Variants in PCDHA12 observed in about 807,000 individuals in gnomAD.
PCDHA12 encodes protocadherin alpha-12.
A neutral mutation model predicts 60.0 loss-of-function variants in PCDHA12; 44 were observed. The observed-to-expected ratio is 0.73, with a 90% CI of 0.58 to 0.94. The LOEUF (loss-of-function observed/expected upper bound fraction) is 0.94, where lower values mean the gene tolerates loss of function less well. Among genes scored for constraint, PCDHA12 ranks in the 40% least tolerant of loss-of-function variants. PCDHA12 has a pLI of 0.00. For synonymous variants in PCDHA12, 569 were observed against 553.0 expected, an observed-to-expected ratio of 1.03 and a Z score of -0.40; for missense variants, 1,276 against 1,239.7, an observed-to-expected ratio of 1.03 and a Z score of -0.44.
intron 1 of PCDHA12, among the ~76,000 whole-genome samples, chr5:140,898,613 T>A (rs561301118): frequency 6.6e-6 from 1 of 152,346 alleles, no homozygotes; most frequent in South Asian, 2.1e-4. Flanking sequence ...TAGTTTGAAG[T>A]CAGGTAGCAT....
Position 140,875,861 on chromosome 5 carries a change from C to T in PCDHA12, c.389C>T (p.Pro130Leu), listed in dbSNP as rs2055878739. The T allele has an allele frequency of 6.2e-7, 1 of 1,614,020 alleles. No individual in the cohort carries two copies. Among genetic ancestry groups the T allele is most frequent in the Non-Finnish European group, 8.5e-7 (1 of 1,180,042 alleles). ...GAGGTGAAGGACATTAACGACAACCCGCCGGTGTTCAGAGAAAGGGAACAA... is the reference window on the plus strand; with the variant it reads ...GAGGTGAAGGACATTAACGACAACCTGCCGGTGTTCAGAGAAAGGGAACAA... The part of the protein sequence containing the change: ...DVEVKDINDN[P>L]PVFREREQKV... The change falls in exon 1 of 4, where the codon CCG (proline) becomes CTG (leucine). Residue 130 changes from proline to leucine, a missense_variant. Physicochemically the swap from Pro to Leu is moderately conservative, Grantham distance 98 (BLOSUM62 -3). Transcript: ENST00000398631.
At chr5:140,966,914 G>C in intron 1 of PCDHA12, 2 of 1,602,270 alleles carry the variant, frequency 1.2e-6, no homozygotes, top group Non-Finnish European at 1.7e-6. Flanking sequence ...CTCTGTGCCA[G>C]AGGAGCAGGC....
chr5:140,971,805 T>C (rs938421537), intron 1 of PCDHA12, among the ~76,000 whole-genome samples: 1 of 152,166 alleles, frequency 6.6e-6, no homozygotes, highest in Non-Finnish European at 1.5e-5. Flanking sequence ...AATATTATAA[T>C]ATTGAATACA....
chr5:140,970,527 ATG>A (rs1270257257), intron 1 of PCDHA12, among the ~76,000 whole-genome samples: 2 of 151,436 alleles, frequency 1.3e-5, no homozygotes, highest in African/African-American at 4.9e-5. Context: ...GTAGATGAAT[ATG>A]TGTGTGTGTT....
In PCDHA12 at chr5:140,877,669, G is replaced by A. The variant is rs548426920; in HGVS notation, c.2197G>A (p.Ala733Thr). The A allele has an allele frequency of 1.4e-4, 219 of 1,613,638 alleles. 3 individuals are homozygous for A. The South Asian group carries it at 2.2e-3, about 17-fold the overall frequency. Residue 733 changes from alanine (A) to threonine (T), a missense_variant, in exon 1 of 4, where the codon GCG (alanine) becomes ACG (threonine). Coordinates refer to ENST00000398631, the MANE Select transcript of PCDHA12 (RefSeq NM_018903.4). The part of the protein sequence containing the change: ...CSAPPTVSRC[A>T]PGKPTLVCSS... ...AGCGCCGCCCACCGTGAGCCGGTGC[G>A]CGCCGGGCAAGCCCACGCTGGTGTG...
chr5:140,932,966 G>C (rs2088764912), intron 1 of PCDHA12, among the ~76,000 whole-genome samples: 1 of 151,942 alleles, frequency 6.6e-6, no homozygotes, highest in South Asian at 2.1e-4. Context: ...TTGCTGAAAG[G>C]TTTTTACAAT....
At chr5:140,918,309 T>C (rs2078629927) in intron 1 of PCDHA12, among the ~76,000 whole-genome samples, 1 of 152,186 alleles carries the variant, frequency 6.6e-6, no homozygotes, top group Non-Finnish European at 1.5e-5. Context: ...TAGGGTTTTC[T>C]AGGTATAAAA....
At chr5:140,922,866 G>GA (rs557650266) in intron 1 of PCDHA12, among the ~76,000 whole-genome samples, 1 of 152,096 alleles carries the variant, frequency 6.6e-6, no homozygotes. Flanking sequence ...TAGACAAGGG[G>GA]AAAAAATCCA....
At chr5:140,910,925 TA>T (rs2075234137) in intron 1 of PCDHA12, among the ~76,000 whole-genome samples, 2 of 152,226 alleles carry the variant, frequency 1.3e-5, no homozygotes, top group South Asian at 4.2e-4. Flanking sequence ...CTTATATAAA[TA>T]AGAAAGCTCA....
At chr5:140,946,660 A>T (rs2094005518) in intron 1 of PCDHA12, among the ~76,000 whole-genome samples, 1 of 146,900 alleles carries the variant, frequency 6.8e-6, no homozygotes, top group African/African-American at 2.6e-5. Context: ...GCCATTAGAA[A>T]GAATGAAATC....
At position 141,009,998 on chromosome 5, in the gene PCDHA12, T is replaced by C. The variant is rs1046818514; in HGVS notation, c.*61T>C. 6 of 1,575,876 alleles carry C rather than the reference T, an allele frequency of 3.8e-6. No individual in the cohort carries two copies. The African/African-American group carries it at 5.5e-5, about 14-fold the overall frequency. ...TTGTAATAATGGCAAATCTCTCCCA[T>C]GTAGCAATTCCCTGCTCCTTTTTCC... is the stretch of plus-strand genomic sequence containing the variant. On this transcript the variant is annotated 3_prime_UTR_variant, in exon 4 of 4. Transcript: ENST00000398631.
intron 3 of PCDHA12, among the ~76,000 whole-genome samples, chr5:140,987,698 A>T (rs1213489735): frequency 6.6e-6 from 1 of 152,142 alleles, no homozygotes; most frequent in African/African-American, 2.4e-5. Flanking sequence ...TTTTTAAATG[A>T]TTTTTCCAGG....
At chr5:140,881,147 A>G (rs982102013) in intron 1 of PCDHA12, among the ~76,000 whole-genome samples, 3 of 152,238 alleles carry the variant, frequency 2.0e-5, no homozygotes, top group Non-Finnish European at 4.4e-5. Context: ...ATAACAATAG[A>G]TAAAAGTAAG....
chr5:140,962,787 C>T (rs2095707732), intron 1 of PCDHA12, among the ~76,000 whole-genome samples: 1 of 152,224 alleles, frequency 6.6e-6, no homozygotes, highest in Non-Finnish European at 1.5e-5. Context: ...TTTTTAAAAA[C>T]TACTTTGGAC....
intron 1 of PCDHA12, chr5:140,967,059 C>A (rs2153750398): frequency 6.2e-7 from 1 of 1,612,750 alleles, no homozygotes; most frequent in Non-Finnish European, 8.5e-7. Context: ...ACGAGTGGAG[C>A]GCTCTTCGTC....
At chr5:140,927,306 G>A (rs782091835) in intron 1 of PCDHA12, 1 of 1,614,158 alleles carries the variant, frequency 6.2e-7, no homozygotes, top group Admixed American at 1.7e-5. Flanking sequence ...AGTTCCTGAC[G>A]CCCGGAGCCC....
At chr5:140,982,409 G>A (rs1554244106) in intron 2 of PCDHA12, 66 bp from the exon 3 acceptor site, 20 of 1,608,038 alleles carry the variant, frequency 1.2e-5, no homozygotes, top group Non-Finnish European at 1.6e-5. Flanking sequence ...CAATTTCTGA[G>A]GGTGGAAGAA....
At chr5:140,884,170 G>T (rs1333457358) in intron 1 of PCDHA12, 2 of 1,613,412 alleles carry the variant, frequency 1.2e-6, no homozygotes, top group Non-Finnish European at 8.5e-7. Context: ...TCAGCACGAC[G>T]CGCCCTCTGG....
chr5:140,952,041 T>C (rs1202542852), intron 1 of PCDHA12, among the ~76,000 whole-genome samples: 1 of 152,108 alleles, frequency 6.6e-6, no homozygotes, highest in African/African-American at 2.4e-5. Flanking sequence ...AGTAGGGCAG[T>C]TATTAAATCT....
Sources: allele counts gnomAD v4.1 joint callset (sites outside exome capture counted in the v4.1 genomes callset), GRCh38; gene constraint gnomAD v4.1.1; transcripts MANE v1.5; gene names NCBI Gene and HGNC (gene_info 2026-07-23, HGNC 2026-07-21).